PHLDB3: variants seen among roughly 807,000 people sequenced by gnomAD.
PHLDB3 encodes pleckstrin homology like domain family B member 3.
A neutral mutation model predicts 85.7 loss-of-function variants in PHLDB3; 86 were observed. The ratio of observed to expected loss-of-function variants is 1.00; its 90% CI spans 0.84 to 1.20. PHLDB3 has a LOEUF of 1.20. PHLDB3 is among the 50% of genes most tolerant of loss of function. The pLI is 0.00. For synonymous variants in PHLDB3, 376 were observed against 349.8 expected (o/e 1.07, Z -0.83); for missense variants, 995 against 873.0 (o/e 1.14, Z -1.76).
intron 9 of PHLDB3, among the ~76,000 whole-genome samples, chr19:43,492,624 CA>C (rs4028108): frequency 0.28 from 35,211 of 126,844 alleles, 4,557 homozygotes; most frequent in Middle Eastern, 0.36. Flanking sequence ...GACCCTATCT[CA>C]AAAAAAAAAA....
chr19:43,480,463 A>T (rs1971022850), intron 13 of PHLDB3, among the ~76,000 whole-genome samples: 1 of 151,884 alleles, frequency 6.6e-6, no homozygotes. Flanking sequence ...CTAGTGCTGC[A>T]CACCTGTAGT....
intron 3 of PHLDB3, 95 bp downstream of exon 3, chr19:43,502,006 A>G: frequency 2.0e-6 from 3 of 1,497,580 alleles, no homozygotes; most frequent in Non-Finnish European, 2.7e-6. Context: ...CGGAGGGCCT[A>G]AAATCTGATC....
chr19:43,504,172 C>T (rs1330413298), intron 1 of PHLDB3, 40 bp from the exon 2 acceptor site: 1 of 1,507,794 alleles, frequency 6.6e-7, no homozygotes, highest in Non-Finnish European at 8.9e-7. Flanking sequence ...GGGGCGGGGC[C>T]TAGGACGGCT....
intron 15 of PHLDB3, 79 bp downstream of exon 15, chr19:43,477,968 G>T: frequency 8.4e-7 from 1 of 1,197,062 alleles, no homozygotes; most frequent in Non-Finnish European, 1.2e-6. Flanking sequence ...CTTTCCCCAG[G>T]ATGAGCCAGG....
intron 13 of PHLDB3, among the ~76,000 whole-genome samples, chr19:43,481,125 A>G (rs921659986): frequency 9.2e-5 from 14 of 152,080 alleles, no homozygotes; most frequent in African/African-American, 3.4e-4. Flanking sequence ...ATGTCTGACA[A>G]GCTCCCAGGT....
chr19:43,475,857 G>A (rs866152319), intron 15 of PHLDB3, among the ~76,000 whole-genome samples: 1 of 151,844 alleles, frequency 6.6e-6, no homozygotes, highest in Non-Finnish European at 1.5e-5. Flanking sequence ...GTGCAGTGGC[G>A]CAATCTTGGC....
intron 9 of PHLDB3, among the ~76,000 whole-genome samples, chr19:43,489,558 G>A (rs1348679488): frequency 6.6e-6 from 1 of 152,104 alleles, no homozygotes; most frequent in East Asian, 1.9e-4. Flanking sequence ...AAGAGCCGCA[G>A]AGTCTTCTCT....
intron 13 of PHLDB3, 178 bp downstream of exon 13, chr19:43,486,088 C>A: frequency 5.1e-6 from 5 of 985,374 alleles, no homozygotes; most frequent in Non-Finnish European, 4.8e-6. Context: ...ATGGAGATGA[C>A]CATCATCCGG....
At chr19:43,484,751 G>A (rs1281231658) in intron 13 of PHLDB3, among the ~76,000 whole-genome samples, 3 of 152,136 alleles carry the variant, frequency 2.0e-5, no homozygotes, top group African/African-American at 7.2e-5. Context: ...ACACAGTGAT[G>A]TTTGAGTGAA....
chr19:43,477,306 G>A (rs1392257223), intron 15 of PHLDB3, among the ~76,000 whole-genome samples: 1 of 148,414 alleles, frequency 6.7e-6, no homozygotes, highest in Non-Finnish European at 1.5e-5. Flanking sequence ...AGATCATGAG[G>A]TCAGGAGTTC....
intron 2 of PHLDB3, among the ~76,000 whole-genome samples, chr19:43,503,233 C>T (rs997686159): frequency 1.1e-4 from 17 of 151,798 alleles, no homozygotes; most frequent in Non-Finnish European, 2.2e-4. Context: ...GCATCTCTTA[C>T]TCGTTTGGTT....
Position 43,501,741 on chromosome 19 carries a change from C to G in PHLDB3, c.527G>C (p.Arg176Pro). The G allele has an allele frequency of 6.3e-7, 1 of 1,584,016 alleles. No homozygotes were observed. The highest frequency in any genetic ancestry group is 8.5e-7 in the Non-Finnish European group (1 of 1,171,194). ...AASEQRGRQQ[R>P]EQEQRRLSQE... ...CCGGTGAGCCAAACAGACCTGTTCC[C>G]GCTGCTGGCGGCCGCGCTGCTCCGA... The change falls in exon 4 of 16, where the codon CGG becomes CCG. Residue 176 changes from arginine (R) to proline (P), a missense_variant. By Grantham distance (103) the Arg-to-Pro change is moderately radical. Transcript: ENST00000292140.
chr19:43,488,508 T>C lies in PHLDB3; in HGVS notation c.1150-1385A>G, dbSNP rs981326005. 2.4e-4 allele frequency among the ~76,000 whole-genome samples: 37 copies of C among 152,000 alleles called. 1 individual carries two copies. Among genetic ancestry groups the C allele is most frequent in the Admixed American group, 6.6e-5 (1 of 15,240 alleles). Reference sequence around the variant, plus strand: ...AAAAAACCCACCGTGCTGGTGGCTATGTAGGAAACCCAGATGCCCTCACAT... The same window carrying C: ...AAAAAACCCACCGTGCTGGTGGCTACGTAGGAAACCCAGATGCCCTCACAT... On this transcript the variant is annotated intron_variant, in intron 9 of 15. Coordinates refer to ENST00000292140, the MANE Select transcript of PHLDB3 (RefSeq NM_198850.4).
chr19:43,486,448 G>C, intron 12 of PHLDB3, 126 bp from the exon 13 acceptor site: 1 of 1,257,914 alleles, frequency 7.9e-7, no homozygotes, highest in Non-Finnish European at 1.1e-6. Flanking sequence ...CTGGGTATGA[G>C]GGAGGATGGG....
rs768351320 is a variant in PHLDB3, at chr19:43,486,293, GGAACCTTCCGT to G, written c.1447_1457del (p.Thr483LeufsTer71). The stretch of plus-strand genomic sequence containing the variant: ...TGATGGCAGGAACAGCAGGGCCTGA[GGAACCTTCCGT>G]GCCCCTTCTTGTTCCTTCCTGTGGA... On this transcript the variant is annotated frameshift_variant, in exon 13 of 16. Coordinates refer to ENST00000292140, the MANE Select transcript of PHLDB3 (RefSeq NM_198850.4). LOFTEE classifies it high-confidence loss of function. 3.0e-5 allele frequency: 48 copies of G among 1,610,168 alleles called. No homozygotes were observed. The highest frequency in any genetic ancestry group is 3.9e-5 in the Non-Finnish European group (46 of 1,178,670).
At chr19:43,488,153 CAA>C (rs779248803) in intron 9 of PHLDB3, among the ~76,000 whole-genome samples, 7 of 135,980 alleles carry the variant, frequency 5.1e-5, no homozygotes, top group African/African-American at 1.6e-4. Flanking sequence ...GACTCTGTCG[CAA>C]AAAAAAAAAA....
intron 4 of PHLDB3, among the ~76,000 whole-genome samples, chr19:43,501,017 A>C (rs1054876690): frequency 6.6e-6 from 1 of 151,344 alleles, no homozygotes; most frequent in African/African-American, 2.4e-5. Flanking sequence ...TGTACAGACC[A>C]TATGATGTCT....
intron 9 of PHLDB3, among the ~76,000 whole-genome samples, chr19:43,487,574 C>CAAAAAAAAAAAAAAAAAAAAAAAA (rs760708749): frequency 7.8e-5 from 3 of 38,512 alleles, no homozygotes; most frequent in Non-Finnish European, 1.5e-4. Context: ...GACTCTGTCT[C>CAAAAAAAAAAAAAAAAAAAAAAAA]AAAAAAAAAA....
At chr19:43,475,615 T>C (rs1237862559) in intron 15 of PHLDB3, 71 bp from the exon 16 acceptor site, 8 of 1,588,942 alleles carry the variant, frequency 5.0e-6, no homozygotes, top group East Asian at 2.3e-5. Context: ...GAACCCAGCC[T>C]TGCTACTTAT....
Sources: allele counts gnomAD v4.1 joint callset (sites outside exome capture counted in the v4.1 genomes callset), GRCh38; gene constraint gnomAD v4.1.1; transcripts MANE v1.5; gene names NCBI Gene and HGNC (gene_info 2026-07-23, HGNC 2026-07-21).